AHCYL2: variants seen among roughly 807,000 people sequenced by gnomAD.
AHCYL2 encodes the protein S-adenosylhomocysteine hydrolase-like protein 2.
Under a neutral mutation model 81.4 loss-of-function variants are expected in AHCYL2, and 28 were observed. The observed-to-expected ratio is 0.34, with a 90% CI of 0.25 to 0.47. AHCYL2 has a LOEUF of 0.47. Among genes scored for constraint, AHCYL2 ranks in the 20% least tolerant of loss-of-function variants. AHCYL2 has a pLI of 1.00. For synonymous variants in AHCYL2, 272 were observed against 290.2 expected, an observed-to-expected ratio of 0.94 and a Z score of 0.64; for missense variants, 551 against 785.1, an observed-to-expected ratio of 0.70 and a Z score of 3.56.
chr7:129,225,559 C>T (rs1220970630), intron 1 of AHCYL2, 120 bp downstream of exon 1: 9 of 1,376,198 alleles, frequency 6.5e-6, no homozygotes, highest in Non-Finnish European at 8.4e-6. Flanking sequence ...CGGAGATACC[C>T]CTTGTCCCCT....
intron 1 of AHCYL2, among the ~76,000 whole-genome samples, chr7:129,239,268 C>G (rs1794754902): frequency 6.6e-6 from 1 of 152,120 alleles, no homozygotes; most frequent in Non-Finnish European, 1.5e-5. Context: ...CTTTTCAAAC[C>G]AGAAGCATTG....
At chr7:129,329,768 G>A (rs1215134282) in intron 1 of AHCYL2, among the ~76,000 whole-genome samples, 5 of 152,308 alleles carry the variant, frequency 3.3e-5, no homozygotes, top group Non-Finnish European at 5.9e-5. Flanking sequence ...CAGATAAGAC[G>A]TATAAGGTAT....
chr7:129,230,710 C>T (rs1409117227), intron 1 of AHCYL2, among the ~76,000 whole-genome samples: 3 of 151,272 alleles, frequency 2.0e-5, no homozygotes, highest in Admixed American at 6.6e-5. Flanking sequence ...GTAGCTGGGA[C>T]TACAGGTGCA....
At chr7:129,345,511 A>G (rs1793331285) in intron 1 of AHCYL2, among the ~76,000 whole-genome samples, 1 of 152,124 alleles carries the variant, frequency 6.6e-6, no homozygotes, top group Non-Finnish European at 1.5e-5. Context: ...CCAAACATGG[A>G]ATTAATTAGT....
chr7:129,322,821 C>G (rs1157407587), intron 1 of AHCYL2, among the ~76,000 whole-genome samples: 1 of 152,198 alleles, frequency 6.6e-6, no homozygotes, highest in Non-Finnish European at 1.5e-5. Context: ...AACTCCTGAG[C>G]TTGAGCTCAA....
At chr7:129,276,373 AC>A (rs1388872061) in intron 1 of AHCYL2, among the ~76,000 whole-genome samples, 1 of 152,038 alleles carries the variant, frequency 6.6e-6, no homozygotes, top group Admixed American at 6.6e-5. Flanking sequence ...TTAGTATTTG[AC>A]TGAGAAGTTA....
At chr7:129,314,389 T>C (rs1797763552) in intron 1 of AHCYL2, among the ~76,000 whole-genome samples, 1 of 152,224 alleles carries the variant, frequency 6.6e-6, no homozygotes, top group African/African-American at 2.4e-5. Context: ...TTTTGTGCAT[T>C]GCCTAGCACA....
chr7:129,390,624 G>A (rs1795422938), intron 4 of AHCYL2, among the ~76,000 whole-genome samples: 1 of 152,204 alleles, frequency 6.6e-6, no homozygotes, highest in Non-Finnish European at 1.5e-5. Context: ...TCTTGGAGCT[G>A]CCTCCTCAGT....
chr7:129,348,603 T>C (rs183888842), intron 1 of AHCYL2, among the ~76,000 whole-genome samples: 21 of 152,312 alleles, frequency 1.4e-4, no homozygotes, highest in African/African-American at 4.3e-4. Context: ...ACCTATCTTA[T>C]GGGATTATCA....
intron 1 of AHCYL2, among the ~76,000 whole-genome samples, chr7:129,360,720 T>A (rs1411785031): frequency 6.6e-6 from 1 of 152,172 alleles, no homozygotes; most frequent in East Asian, 1.9e-4. Flanking sequence ...TGTGTGTGTA[T>A]GTGTGTGCAT....
chr7:129,356,714 C>G (rs963682431), intron 1 of AHCYL2, among the ~76,000 whole-genome samples: 1 of 152,142 alleles, frequency 6.6e-6, no homozygotes, highest in Non-Finnish European at 1.5e-5. Flanking sequence ...CCCTGTTGAT[C>G]TCCTAATGGA....
At chr7:129,327,816 C>T (rs1038867078) in intron 1 of AHCYL2, among the ~76,000 whole-genome samples, 2 of 151,824 alleles carry the variant, frequency 1.3e-5, no homozygotes, top group African/African-American at 4.8e-5. Context: ...TTTTTTCAGA[C>T]TGAGTCTTAC....
intron 1 of AHCYL2, among the ~76,000 whole-genome samples, chr7:129,250,008 T>C (rs898460392): frequency 6.6e-6 from 1 of 152,228 alleles, no homozygotes; most frequent in Non-Finnish European, 1.5e-5. Flanking sequence ...TGAATAATGC[T>C]GTTATTGGGG....
intron 1 of AHCYL2, among the ~76,000 whole-genome samples, chr7:129,281,184 TA>T (rs1427659244): frequency 1.3e-5 from 2 of 152,116 alleles, no homozygotes; most frequent in East Asian, 3.9e-4. Flanking sequence ...TTTTAAATGT[TA>T]AACTCACCTT....
chr7:129,425,477 C>A (rs1289184917), intron 15 of AHCYL2, among the ~76,000 whole-genome samples: 4 of 152,054 alleles, frequency 2.6e-5, no homozygotes, highest in African/African-American at 7.3e-5. Context: ...TACCTTGTGA[C>A]ATCTGACTTA....
chr7:129,231,424 G>A (rs539819070), intron 1 of AHCYL2, among the ~76,000 whole-genome samples: 2 of 152,288 alleles, frequency 1.3e-5, no homozygotes, highest in African/African-American at 4.8e-5. Flanking sequence ...TTCCTTGGAA[G>A]TGATTCCCTC....
chr7:129,316,629 A>G (rs965217385), intron 1 of AHCYL2, among the ~76,000 whole-genome samples: 6 of 152,218 alleles, frequency 3.9e-5, no homozygotes, highest in Non-Finnish European at 8.8e-5. Context: ...TTTAATATTT[A>G]TTAGCCATGC....
At chr7:129,228,002 G>T (rs913492419) in intron 1 of AHCYL2, among the ~76,000 whole-genome samples, 1 of 152,162 alleles carries the variant, frequency 6.6e-6, no homozygotes, top group Admixed American at 6.5e-5. Flanking sequence ...CTTTCCCTAA[G>T]TTGAAAGTCA....
At chr7:129,264,949 A>G (rs968358053) in intron 1 of AHCYL2, among the ~76,000 whole-genome samples, 2 of 152,262 alleles carry the variant, frequency 1.3e-5, no homozygotes, top group Non-Finnish European at 2.9e-5. Context: ...TTTTTATTAA[A>G]AAATCAGCTT....
Sources: allele counts gnomAD v4.1 joint callset (sites outside exome capture counted in the v4.1 genomes callset), GRCh38; gene constraint gnomAD v4.1.1; transcripts MANE v1.5; gene names NCBI Gene and HGNC (gene_info 2026-07-23, HGNC 2026-07-21).